The following TMCC1 variants were observed in gnomAD, a reference collection of about 807,000 sequenced individuals.
TMCC1 encodes the protein transmembrane and coiled-coil domains protein 1.
TMCC1 carries 15 observed loss-of-function variants against 52.4 expected under a neutral mutation model. The ratio of observed to expected loss-of-function variants is 0.29; its 90% confidence interval spans 0.19 to 0.44. The LOEUF is 0.44. Among genes scored for constraint, TMCC1 ranks in the 20% least tolerant of loss-of-function variants. The pLI is 1.00. For synonymous variants in TMCC1, 279 were observed against 301.9 expected (o/e 0.92, Z 0.79); for missense variants, 503 against 806.0 (o/e 0.62, Z 4.55).
intron 4 of TMCC1, among the ~76,000 whole-genome samples, chr3:129,697,193 C>G (rs2047476617): frequency 1.3e-5 from 2 of 152,200 alleles, no homozygotes; most frequent in South Asian, 4.1e-4. Context: ...GCCTGGACAT[C>G]CAGGCGTTTC....
At chr3:129,750,976 G>C (rs2052459136) in intron 4 of TMCC1, among the ~76,000 whole-genome samples, 1 of 152,106 alleles carries the variant, frequency 6.6e-6, no homozygotes, top group African/African-American at 2.4e-5. Context: ...GAGGCAGGCA[G>C]ATCGCTTGAG....
intron 4 of TMCC1, among the ~76,000 whole-genome samples, chr3:129,765,558 G>A (rs893693278): frequency 6.6e-6 from 1 of 152,176 alleles, no homozygotes; most frequent in African/African-American, 2.4e-5. Context: ...TAAAAGGACT[G>A]GCAAATTTGG....
chr3:129,737,495 G>C (rs1444278465), intron 4 of TMCC1, among the ~76,000 whole-genome samples: 1 of 150,400 alleles, frequency 6.6e-6, no homozygotes, highest in African/African-American at 2.4e-5. Flanking sequence ...AAAAAAAAAA[G>C]AGGCTTGACG....
rs565970521 is a variant in TMCC1, at chr3:129,805,272, C to G, written c.576+22531G>C. Among the ~76,000 whole-genome samples, 8 of 152,250 alleles carry G rather than the reference C, an allele frequency of 5.3e-5. No homozygotes were observed. In the South Asian group the frequency reaches 1.7e-3, roughly 32 times the overall value. On this transcript the variant is annotated intron_variant, in intron 4 of 6. Transcript: ENST00000393238. Reference sequence around the variant, plus strand: ...CAACCTCCTGGGCTCAGGAAATCCTCCCACTTCAGCCTCCCAAGTAGCTGA... The same window carrying G: ...CAACCTCCTGGGCTCAGGAAATCCTGCCACTTCAGCCTCCCAAGTAGCTGA...
chr3:129,856,395 T>C (rs965685317), intron 2 of TMCC1, among the ~76,000 whole-genome samples: 2 of 152,186 alleles, frequency 1.3e-5, no homozygotes, highest in Non-Finnish European at 2.9e-5. Flanking sequence ...ATGAAGTCTA[T>C]GTTAACTCCC....
chr3:129,888,212 T>C (rs1028277630), intron 1 of TMCC1, among the ~76,000 whole-genome samples: 1 of 152,162 alleles, frequency 6.6e-6, no homozygotes, highest in Non-Finnish European at 1.5e-5. Context: ...AGGTTACATA[T>C]AAGCAAGGTA....
intron 4 of TMCC1, among the ~76,000 whole-genome samples, chr3:129,803,232 A>C (rs551645796): frequency 6.6e-6 from 1 of 152,376 alleles, no homozygotes; most frequent in South Asian, 2.1e-4. Context: ...ATGAACCTTG[A>C]GGACATTATG....
intron 4 of TMCC1, among the ~76,000 whole-genome samples, chr3:129,724,945 G>T (rs1035705770): frequency 2.1e-4 from 32 of 152,060 alleles, no homozygotes; most frequent in Non-Finnish European, 3.1e-4. Flanking sequence ...AAGGAATAAA[G>T]AAATAAAAAC....
intron 4 of TMCC1, among the ~76,000 whole-genome samples, chr3:129,732,417 T>C (rs758946587): frequency 2.6e-5 from 4 of 152,136 alleles, no homozygotes; most frequent in Non-Finnish European, 5.9e-5. Flanking sequence ...TTGGCAATGG[T>C]CTAACCCCTA....
intron 4 of TMCC1, among the ~76,000 whole-genome samples, chr3:129,755,237 T>G (rs2052896654): frequency 6.6e-6 from 1 of 152,104 alleles, no homozygotes; most frequent in Admixed American, 6.6e-5. Flanking sequence ...AAAGTAATTA[T>G]TGGGTACTAT....
intron 2 of TMCC1, among the ~76,000 whole-genome samples, chr3:129,866,847 G>A (rs2060672908): frequency 6.6e-6 from 1 of 152,100 alleles, no homozygotes; most frequent in Non-Finnish European, 1.5e-5. Context: ...TTTGTCACAT[G>A]CTACAGATTT....
chr3:129,863,091 C>T lies in TMCC1; in HGVS notation c.-184+17218G>A, dbSNP rs542978497. Among the ~76,000 whole-genome samples, 5 of 152,246 alleles carry T rather than the reference C, an allele frequency of 3.3e-5. No homozygotes were observed. The South Asian group carries it at 1.0e-3, about 32-fold the overall frequency. On this transcript the variant is annotated intron_variant, in intron 2 of 6. Transcript: ENST00000393238. ...ACTCAAAGTGTTCAAAAAGAAGATA[C>T]TGACTGGAAAGGGACATAGGGAATT...
At chr3:129,856,629 A>T (rs947391076) in intron 2 of TMCC1, among the ~76,000 whole-genome samples, 1 of 152,216 alleles carries the variant, frequency 6.6e-6, no homozygotes, top group Non-Finnish European at 1.5e-5. Flanking sequence ...AAAATAAAAC[A>T]ATGTTATACA....
chr3:129,889,082 G>A (rs1439042206), intron 1 of TMCC1, among the ~76,000 whole-genome samples: 1 of 152,046 alleles, frequency 6.6e-6, no homozygotes, highest in Non-Finnish European at 1.5e-5. Context: ...GACCAGCCTG[G>A]GCACCATGGT....
intron 2 of TMCC1, among the ~76,000 whole-genome samples, chr3:129,844,578 G>T (rs895524735): frequency 2.0e-5 from 3 of 152,008 alleles, no homozygotes; most frequent in Non-Finnish European, 2.9e-5. Context: ...TTTTTGCCTT[G>T]TCTTCCCTGC....
At chr3:129,736,394 T>C (rs968095809) in intron 4 of TMCC1, among the ~76,000 whole-genome samples, 3 of 152,224 alleles carry the variant, frequency 2.0e-5, no homozygotes, top group Non-Finnish European at 4.4e-5. Context: ...AATACTTTAG[T>C]TACTTATCCC....
chr3:129,884,311 TAAA>T (rs906176053), intron 1 of TMCC1, among the ~76,000 whole-genome samples: 19 of 152,058 alleles, frequency 1.2e-4, no homozygotes, highest in African/African-American at 4.6e-4. Flanking sequence ...TTTACATTAT[TAAA>T]ATAAAGAAAA....
chr3:129,677,454 T>C (rs559887974), intron 4 of TMCC1, among the ~76,000 whole-genome samples: 3 of 152,300 alleles, frequency 2.0e-5, no homozygotes, highest in South Asian at 2.1e-4. Flanking sequence ...AATTAAAAAA[T>C]ACATATAATA....
At chr3:129,712,579 C>G (rs2048780697) in intron 4 of TMCC1, among the ~76,000 whole-genome samples, 1 of 152,082 alleles carries the variant, frequency 6.6e-6, no homozygotes, top group Non-Finnish European at 1.5e-5. Flanking sequence ...TCCCGAGGAG[C>G]TGGAACTACA....
Sources: gnomAD v4.1 joint callset for allele counts (sites outside exome capture counted in the v4.1 genomes callset) on GRCh38, gnomAD v4.1.1 for gene constraint, MANE v1.5 for transcripts, NCBI Gene and HGNC (gene_info 2026-07-23, HGNC 2026-07-21) for gene names.